The following CHST11 variants were observed in gnomAD, a reference collection of about 807,000 sequenced individuals.
CHST11 encodes carbohydrate sulfotransferase 11, also known as C4S-1.
CHST11 carries 9 observed loss-of-function variants against 30.4 expected under a neutral mutation model. That is an observed-to-expected ratio of 0.30 (90% CI 0.18 to 0.52). The LOEUF (loss-of-function observed/expected upper bound fraction) is 0.52. CHST11 is among the 20% of genes least tolerant of loss of function. The pLI, the probability that CHST11 is intolerant of heterozygous loss-of-function variation, is 0.97. For synonymous variants in CHST11, 152 were observed against 187.8 expected (o/e 0.81, Z 1.56); for missense variants, 348 against 460.6 (o/e 0.76, Z 2.24).
chr12:104,752,360 T>G (rs1488382250), intron 2 of CHST11, among the ~76,000 whole-genome samples: 1 of 152,100 alleles, frequency 6.6e-6, no homozygotes, highest in Admixed American at 6.5e-5. Context: ...TCTTAACTAA[T>G]TACACCTGCA....
intron 1 of CHST11, among the ~76,000 whole-genome samples, chr12:104,533,266 G>A (rs971983423): frequency 6.6e-6 from 1 of 152,208 alleles, no homozygotes; most frequent in South Asian, 2.1e-4. Context: ...ACTTGAGGAA[G>A]CCAGGGAGCC....
chr12:104,681,869 C>A (rs1461547214), intron 2 of CHST11, among the ~76,000 whole-genome samples: 6 of 132,338 alleles, frequency 4.5e-5, no homozygotes, highest in African/African-American at 1.8e-4. Flanking sequence ...CTCGCTCTGT[C>A]GCCCAGGCTG....
intron 1 of CHST11, among the ~76,000 whole-genome samples, chr12:104,583,032 A>C (rs313324): frequency 0.28 from 42,745 of 151,724 alleles, 6,177 homozygotes; most frequent in Middle Eastern, 0.4. Context: ...TGCCTGCACA[A>C]ATAGACCTGC....
chr12:104,610,343 CAG>C (rs1023869522), intron 2 of CHST11, among the ~76,000 whole-genome samples: 5 of 152,130 alleles, frequency 3.3e-5, no homozygotes, highest in Admixed American at 3.3e-4. Flanking sequence ...GCTTCAGAAA[CAG>C]AGGTTTCAGG....
intron 1 of CHST11, among the ~76,000 whole-genome samples, chr12:104,467,645 T>C (rs906367256): frequency 1.8e-4 from 27 of 152,350 alleles, no homozygotes; most frequent in Admixed American, 1.7e-3. Context: ...TCAGTCCTTA[T>C]CATTCTCTGG....
intron 1 of CHST11, among the ~76,000 whole-genome samples, chr12:104,509,439 T>C (rs1188590710): frequency 2.6e-5 from 4 of 152,340 alleles, no homozygotes; most frequent in Admixed American, 2.0e-4. Flanking sequence ...GCTTCTGTTT[T>C]AACACAGTGT....
chr12:104,559,267 C>T (rs2038490194), intron 1 of CHST11, among the ~76,000 whole-genome samples: 1 of 152,220 alleles, frequency 6.6e-6, no homozygotes, highest in Non-Finnish European at 1.5e-5. Context: ...TCCCCAGAGC[C>T]TAGCACAGTA....
At chr12:104,530,083 C>T (rs918377538) in intron 1 of CHST11, among the ~76,000 whole-genome samples, 12 of 152,048 alleles carry the variant, frequency 7.9e-5, no homozygotes, top group African/African-American at 1.9e-4. Flanking sequence ...CTCTTGAAAC[C>T]GGGAGGTGGA....
At chr12:104,485,445 C>T (rs751589872) in intron 1 of CHST11, among the ~76,000 whole-genome samples, 10 of 152,174 alleles carry the variant, frequency 6.6e-5, no homozygotes, top group East Asian at 1.9e-4. Flanking sequence ...CTGCAGGGAG[C>T]GGGGCTCGGA....
intron 2 of CHST11, among the ~76,000 whole-genome samples, chr12:104,612,497 C>T (rs938490750): frequency 5.9e-5 from 9 of 152,152 alleles, no homozygotes; most frequent in Non-Finnish European, 1.3e-4. Flanking sequence ...AGTATGACCT[C>T]ATCTTAGCTA....
chr12:104,732,346 C>T (rs1342786714), intron 2 of CHST11, among the ~76,000 whole-genome samples: 1 of 152,214 alleles, frequency 6.6e-6, no homozygotes, highest in Non-Finnish European at 1.5e-5. Context: ...CCCTAAGGGC[C>T]TCCCCAGCCT....
intron 2 of CHST11, among the ~76,000 whole-genome samples, chr12:104,741,142 A>C (rs1289927095): frequency 6.6e-6 from 1 of 152,260 alleles, no homozygotes; most frequent in African/African-American, 2.4e-5. Flanking sequence ...AGTTGAGCTC[A>C]CATTGTTCAT....
chr12:104,649,829 A>C (rs2039474353), intron 2 of CHST11, among the ~76,000 whole-genome samples: 1 of 152,238 alleles, frequency 6.6e-6, no homozygotes. Flanking sequence ...AGCACTCAGC[A>C]TGGTGAGCTC....
intron 1 of CHST11, among the ~76,000 whole-genome samples, chr12:104,590,541 A>G (rs2038847577): frequency 1.3e-5 from 2 of 152,178 alleles, no homozygotes; most frequent in Admixed American, 6.5e-5. Flanking sequence ...CCTTTTGCTC[A>G]TGAAACTTAG....
intron 1 of CHST11, among the ~76,000 whole-genome samples, chr12:104,563,759 T>G (rs76960947): frequency 0.023 from 3,406 of 150,288 alleles, 130 homozygotes; most frequent in East Asian, 0.12. Context: ...TGGGAGTGGT[T>G]GTGGATGTTT....
intron 1 of CHST11, among the ~76,000 whole-genome samples, chr12:104,508,310 A>C (rs748504741): frequency 9.2e-5 from 14 of 151,966 alleles, no homozygotes; most frequent in Non-Finnish European, 1.5e-4. Flanking sequence ...CAAGTTTCTC[A>C]CCCTCTCTGG....
Position 104,561,011 on chromosome 12 carries a change from T to G in CHST11, c.119-40895T>G, listed in dbSNP as rs190615710. Among the ~76,000 whole-genome samples, 6 of 152,322 alleles carry G rather than the reference T, an allele frequency of 3.9e-5. No homozygotes were observed. The East Asian group carries it at 1.2e-3, about 29-fold the overall frequency. On this transcript the variant is annotated intron_variant, in intron 1 of 2. Coordinates refer to ENST00000303694, the MANE Select transcript of CHST11 (RefSeq NM_018413.6). ...GAGCTGAAATTCTAGCTCAGTGACT[T>G]AGAGGGGCTTGGCTTAGACTAGTCA...
chr12:104,546,027 T>G (rs923589259), intron 1 of CHST11, among the ~76,000 whole-genome samples: 1 of 152,112 alleles, frequency 6.6e-6, no homozygotes, highest in African/African-American at 2.4e-5. Context: ...CCTAATTACC[T>G]CCCACAGGCT....
At chr12:104,491,853 G>A (rs1005879684) in intron 1 of CHST11, among the ~76,000 whole-genome samples, 2 of 152,086 alleles carry the variant, frequency 1.3e-5, no homozygotes, top group Non-Finnish European at 2.9e-5. Context: ...GGGCCCACAA[G>A]ACTCTTCAAG....
Sources: allele counts gnomAD v4.1 joint callset (sites outside exome capture counted in the v4.1 genomes callset), GRCh38; gene constraint gnomAD v4.1.1; transcripts MANE v1.5; gene names NCBI Gene and HGNC (gene_info 2026-07-23, HGNC 2026-07-21).